JPH3: variants seen among roughly 807,000 people sequenced by gnomAD.
JPH3 encodes junctophilin 3, also known as junctophilin-3.
JPH3 carries 11 observed loss-of-function variants against 59.6 expected under a neutral mutation model. The ratio of observed to expected loss-of-function variants is 0.18; its 90% CI spans 0.12 to 0.31. JPH3 has a LOEUF of 0.31. Ranked by LOEUF, JPH3 falls within the 10% of genes least tolerant of loss-of-function variation. The pLI is 1.00. For missense variants in JPH3, 1,202 were observed against 1,105.7 expected (o/e 1.09, Z -1.24); for synonymous variants, 673 against 483.6 (o/e 1.39, Z -5.14).
In JPH3 at chr16:87,642,787, G is replaced by C. The variant is rs533904088; in HGVS notation, c.383-1471G>C. The stretch of plus-strand genomic sequence containing the variant: ...AGTCCTGGTTCCACTCTACAGACGA[G>C]GACACTGAGGGCCAGCGGGGCCCAG... On this transcript the variant is annotated intron_variant, in intron 1 of 4. Coordinates refer to ENST00000284262, the MANE Select transcript of JPH3 (RefSeq NM_020655.4). Among the ~76,000 whole-genome samples the C allele has an allele frequency of 7.4e-4, 112 of 152,370 alleles. 1 individual carries two copies. Among genetic ancestry groups the C allele is most frequent in the African/African-American group, 2.6e-3 (108 of 41,600 alleles).
intron 4 of JPH3, among the ~76,000 whole-genome samples, chr16:87,691,944 A>G (rs1338566762): frequency 6.6e-6 from 1 of 151,994 alleles, no homozygotes; most frequent in Non-Finnish European, 1.5e-5. Flanking sequence ...ATGCACTGAC[A>G]CTTTTGGGTG....
chr16:87,685,235 G>A (rs781526467), intron 3 of JPH3, among the ~76,000 whole-genome samples: 7 of 152,206 alleles, frequency 4.6e-5, no homozygotes, highest in Non-Finnish European at 7.4e-5. Context: ...TTCACTGGGC[G>A]AGTGCCGGGC....
chr16:87,657,800 G>A (rs987016571), intron 2 of JPH3, among the ~76,000 whole-genome samples: 1 of 152,146 alleles, frequency 6.6e-6, no homozygotes, highest in African/African-American at 2.4e-5. Flanking sequence ...ACATTCTGTT[G>A]GCCAAAACTC....
chr16:87,672,393 C>G (rs1223937616), intron 2 of JPH3, among the ~76,000 whole-genome samples: 1 of 152,220 alleles, frequency 6.6e-6, no homozygotes, highest in Non-Finnish European at 1.5e-5. Context: ...GTAAACACCC[C>G]AGCCGCGCCC....
At chr16:87,696,103 G>A (rs1244415466) in intron 4 of JPH3, 1 of 457,760 alleles carries the variant, frequency 2.2e-6, no homozygotes, top group Admixed American at 2.3e-5. Context: ...CGGACTTTGG[G>A]AGTCCTCTGA....
intron 2 of JPH3, among the ~76,000 whole-genome samples, chr16:87,673,618 G>T (rs1012046806): frequency 3.3e-5 from 5 of 152,136 alleles, no homozygotes; most frequent in African/African-American, 1.2e-4. Context: ...GACTTCATGT[G>T]TTCTGGAACG....
intron 4 of JPH3, chr16:87,696,157 G>A (rs1055476428): frequency 3.9e-5 from 18 of 457,704 alleles, no homozygotes; most frequent in African/African-American, 3.2e-4. Flanking sequence ...ACTGGCCATG[G>A]CAGCCATGCG....
At chr16:87,669,113 C>T (rs1033682261) in intron 2 of JPH3, among the ~76,000 whole-genome samples, 1 of 152,234 alleles carries the variant, frequency 6.6e-6, no homozygotes, top group Non-Finnish European at 1.5e-5. Flanking sequence ...TTCCCTCTTG[C>T]ACCACTTTGG....
Position 87,644,729 on chromosome 16 carries a change from C to G in JPH3, c.854C>G (p.Thr285Ser). 1.9e-6 allele frequency: 3 copies of G among 1,612,784 alleles called. No individual in the cohort carries two copies. Among genetic ancestry groups the G allele is most frequent in the African/African-American group, 2.7e-5 (2 of 75,028 alleles). Residue 285 changes from threonine (T) to serine (S), a missense_variant, in exon 2 of 5, where the codon ACC becomes AGC. By Grantham distance (58) the Thr-to-Ser change is moderately conservative. Coordinates refer to ENST00000284262, the MANE Select transcript of JPH3 (RefSeq NM_020655.4). ...VIEDDIDATT[T>S]ETYVGEWKND... Reference sequence around the variant, plus strand: ...GAGGACGACATCGACGCCACCACCACCGAGACCTACGTGGGCGAGTGGAAG... The same window carrying G: ...GAGGACGACATCGACGCCACCACCAGCGAGACCTACGTGGGCGAGTGGAAG...
chr16:87,658,325 G>A (rs1448752310), intron 2 of JPH3, among the ~76,000 whole-genome samples: 1 of 152,088 alleles, frequency 6.6e-6, no homozygotes, highest in African/African-American at 2.4e-5. Context: ...GTTAGGACAG[G>A]AATTTTCTCT....
At chr16:87,687,526 C>T (rs113654852) in intron 3 of JPH3, among the ~76,000 whole-genome samples, 57 of 152,324 alleles carry the variant, frequency 3.7e-4, no homozygotes, top group African/African-American at 1.3e-3. Flanking sequence ...CCTGGCCATG[C>T]GGTGTCCAGT....
At position 87,644,161 on chromosome 16, in the gene JPH3, C is replaced by T; in HGVS notation, c.383-97C>T. 7 of 1,291,978 alleles carry T rather than the reference C, an allele frequency of 5.4e-6. No homozygotes were observed. In the South Asian group the frequency reaches 7.1e-5, roughly 13 times the overall value. The allele number at this position is 1,291,978 out of a possible 1,614,324, so 80.0% of individuals were successfully genotyped here. ...TCAAAAAACACAAAACAACAGGAAG[C>T]TCAGACAGGACTGTGGCTGCTTCAA... On this transcript the variant is annotated intron_variant, in intron 1 of 4. Transcript: ENST00000284262.
chr16:87,667,172 CCTT>C (rs1463226606), intron 2 of JPH3, among the ~76,000 whole-genome samples: 6 of 152,214 alleles, frequency 3.9e-5, no homozygotes, highest in East Asian at 3.9e-4. Flanking sequence ...CGTGGCCTCT[CCTT>C]CTCTGTCTCT....
At chr16:87,625,909 C>T (rs909544004) in intron 1 of JPH3, among the ~76,000 whole-genome samples, 2 of 152,224 alleles carry the variant, frequency 1.3e-5, no homozygotes, top group Admixed American at 6.5e-5. Flanking sequence ...AACCTTCATT[C>T]AACCCAAAAC....
chr16:87,603,588 T>G, intron 1 of JPH3, 60 bp downstream of exon 1: 1 of 1,508,364 alleles, frequency 6.6e-7, no homozygotes. Flanking sequence ...ATCGCGCCCC[T>G]TCTGTGGATC....
At position 87,696,561 on chromosome 16, in the gene JPH3, TC is replaced by T. The variant is rs1351124758; in HGVS notation, c.2167-15del. The stretch of plus-strand genomic sequence containing the variant: ...CCCCCCGCAGCTGTCGCTCACCTCT[TC>T]CCCTCGCTCTCTTCCAGGGCTCAGC... On this transcript the variant is annotated intron_variant, in intron 4 of 4. Transcript: ENST00000284262. 1.2e-6 allele frequency: 2 copies of T among 1,609,914 alleles called. No individual in the cohort carries two copies. Among genetic ancestry groups the T allele is most frequent in the Non-Finnish European group, 1.7e-6 (2 of 1,177,932 alleles).
At chr16:87,640,396 A>T (rs2031907732) in intron 1 of JPH3, among the ~76,000 whole-genome samples, 1 of 150,114 alleles carries the variant, frequency 6.7e-6, no homozygotes, top group Admixed American at 6.6e-5. Flanking sequence ...ATTTTTATTT[A>T]TGTATTTGTT....
At chr16:87,668,207 TCAC>T (rs2032924183) in intron 2 of JPH3, among the ~76,000 whole-genome samples, 1 of 152,200 alleles carries the variant, frequency 6.6e-6, no homozygotes, top group African/African-American at 2.4e-5. Context: ...TCTGGCCTCT[TCAC>T]CAGCCCTGCG....
intron 2 of JPH3, among the ~76,000 whole-genome samples, chr16:87,653,201 C>G (rs190935135): frequency 2.0e-5 from 3 of 152,330 alleles, no homozygotes; most frequent in African/African-American, 7.2e-5. Flanking sequence ...CAGTGTGGCT[C>G]TGGGGGTGTG....
Sources: gnomAD v4.1 joint callset for allele counts (sites outside exome capture counted in the v4.1 genomes callset) on GRCh38, gnomAD v4.1.1 for gene constraint, MANE v1.5 for transcripts, NCBI Gene and HGNC (gene_info 2026-07-23, HGNC 2026-07-21) for gene names.